The following MSR1 variants were observed in gnomAD, a reference collection of about 807,000 sequenced individuals.
MSR1 encodes the protein macrophage scavenger receptor types I and II.
In MSR1, 53 loss-of-function variants were observed where a neutral mutation model predicts 47.2. The observed-to-expected ratio is 1.12, with a 90% CI of 0.90 to 1.41. The LOEUF is 1.41. Among genes scored for constraint, MSR1 ranks in the 40% most tolerant of loss-of-function variants. The probability of loss-of-function intolerance (pLI) is 0.00; values close to 1 mark genes in which losing one functional copy is unlikely to be tolerated. For missense variants in MSR1, 786 were observed against 546.9 expected (o/e 1.44, Z -4.36); for synonymous variants, 239 against 185.6 (o/e 1.29, Z -2.34).
At chr8:16,133,857 C>G (rs1038418080) in intron 8 of MSR1, among the ~76,000 whole-genome samples, 4 of 152,164 alleles carry the variant, frequency 2.6e-5, no homozygotes, top group Non-Finnish European at 4.4e-5. Context: ...AGTTTTGGCA[C>G]CCATCTAGAA....
In MSR1 at chr8:16,120,420, T is replaced by C. The variant is rs1012865214; in HGVS notation, c.1220A>G (p.Gln407Arg). 4 of 1,613,694 alleles carry C rather than the reference T, an allele frequency of 2.5e-6. No individual in the cohort carries two copies. Among genetic ancestry groups the C allele is most frequent in the Non-Finnish European group, 3.4e-6 (4 of 1,179,784 alleles). The part of the protein sequence containing the change: ...QAVHKAAHFG[Q>R]GTGPIWLNEV... The stretch of plus-strand genomic sequence containing the variant: ...TCACAAGATTTTCTTTAAATTACCT[T>C]GTCCAAAGTGAGCTGCCTTGTGCAC... The change falls in exon 9 of 10, where the codon CAA becomes CGA. Residue 407 changes from glutamine (Q) to arginine (R), a missense_variant and splice_region_variant. By Grantham distance (43) the Gln-to-Arg change is conservative. Coordinates refer to ENST00000262101, the MANE Select transcript of MSR1 (RefSeq NM_138715.3).
intron 4 of MSR1, among the ~76,000 whole-genome samples, chr8:16,166,810 A>C (rs1483704037): frequency 6.6e-6 from 1 of 152,100 alleles, no homozygotes; most frequent in African/African-American, 2.4e-5. Flanking sequence ...CTCAAACGCC[A>C]TTTACAAATT....
chr8:16,125,557 G>T (rs1800110368), intron 8 of MSR1, among the ~76,000 whole-genome samples: 1 of 151,924 alleles, frequency 6.6e-6, no homozygotes, highest in Non-Finnish European at 1.5e-5. Flanking sequence ...ACATCTCTAT[G>T]ACAATGAGTT....
chr8:16,184,540 G>A (rs1167594664), intron 1 of MSR1, among the ~76,000 whole-genome samples: 1 of 152,146 alleles, frequency 6.6e-6, no homozygotes, highest in Non-Finnish European at 1.5e-5. Flanking sequence ...GTAGCCGGTA[G>A]CATCCGACTC....
chr8:16,157,893 C>A (rs933259539), intron 5 of MSR1, among the ~76,000 whole-genome samples: 9 of 151,852 alleles, frequency 5.9e-5, no homozygotes, highest in African/African-American at 2.2e-4. Context: ...GATAAGAATC[C>A]GTTTTGCAAT....
chr8:16,121,944 C>G (rs1800015624), intron 8 of MSR1, among the ~76,000 whole-genome samples: 1 of 151,792 alleles, frequency 6.6e-6, no homozygotes, highest in Non-Finnish European at 1.5e-5. Context: ...TTAACTTATG[C>G]TTATTACTGT....
chr8:16,151,141 G>A (rs1172454057), intron 6 of MSR1, among the ~76,000 whole-genome samples: 6 of 151,908 alleles, frequency 3.9e-5, no homozygotes, highest in African/African-American at 1.2e-4. Flanking sequence ...GAGAGAACTC[G>A]TTCACCCAGT....
rs41440349 is a variant in MSR1, at chr8:16,155,081, C to T, written c.881G>A (p.Gly294Glu). The T allele has an allele frequency of 8.2e-4, 1,318 of 1,611,986 alleles. 4 individuals carry two copies. The highest frequency in any genetic ancestry group is 2.2e-3 in the Admixed American group (129 of 59,812). Reference sequence around the variant, plus strand: ...TACCATACCTATTGGACCTGGAAATCCTCGTGGACCACTTTCTCCAGTGGG... The same window carrying T: ...TACCATACCTATTGGACCTGGAAATTCTCGTGGACCACTTTCTCCAGTGGG... The part of the protein sequence containing the change: ...RGPTGESGPR[G>E]FPGPIGPPGL... The change falls in exon 6 of 10, where the codon GGA becomes GAA. Residue 294 changes from glycine (G) to glutamate (E), a missense_variant. Transcript: ENST00000262101.
At chr8:16,169,016 A>T (rs972897961) in intron 3 of MSR1, 146 bp from the exon 4 acceptor site, 2 of 776,336 alleles carry the variant, frequency 2.6e-6, no homozygotes, top group African/African-American at 3.5e-5. Flanking sequence ...TTTTTTTTTA[A>T]TCTACAACGT....
Position 16,115,801 on chromosome 8 carries a change from G to T in MSR1, c.1222+4617C>A, listed in dbSNP as rs184014693. Among the ~76,000 whole-genome samples, 617 of 152,034 alleles carry T rather than the reference G, an allele frequency of 4.1e-3. 3 individuals are homozygous for T. The highest frequency in any genetic ancestry group is 7.6e-3 in the Non-Finnish European group (513 of 67,946). ...TAGATGAGCCTGAGCAACTTAGCAA[G>T]AACCTGTCTCTATAAGAAATTAAGA... On this transcript the variant is annotated intron_variant, in intron 9 of 9. Transcript: ENST00000262101.
At chr8:16,144,030 C>T (rs1046119300) in intron 7 of MSR1, among the ~76,000 whole-genome samples, 1 of 152,028 alleles carries the variant, frequency 6.6e-6, no homozygotes, top group Non-Finnish European at 1.5e-5. Flanking sequence ...AGTGTACCAT[C>T]CCCAAAAACT....
intron 7 of MSR1, among the ~76,000 whole-genome samples, chr8:16,148,466 C>CT (rs761803668): frequency 9.9e-5 from 13 of 131,332 alleles, no homozygotes; most frequent in South Asian, 5.0e-4. Flanking sequence ...ATTTCTAAAA[C>CT]TTTTTTTTTT....
intron 1 of MSR1, among the ~76,000 whole-genome samples, chr8:16,179,792 G>C (rs1441541586): frequency 7.2e-6 from 1 of 139,540 alleles, no homozygotes; most frequent in African/African-American, 2.7e-5. Flanking sequence ...CAGTAAAATC[G>C]CTTGTACCCG....
chr8:16,138,411 G>A (rs978180446), intron 8 of MSR1, among the ~76,000 whole-genome samples: 1 of 152,098 alleles, frequency 6.6e-6, no homozygotes, highest in African/African-American at 2.4e-5. Context: ...TCTTCATTAT[G>A]CATTTTTAAA....
chr8:16,128,640 T>C (rs548123051), intron 8 of MSR1, among the ~76,000 whole-genome samples: 4 of 152,254 alleles, frequency 2.6e-5, no homozygotes, highest in African/African-American at 9.6e-5. Context: ...TTATGTTATG[T>C]TTTTACTTGC....
chr8:16,148,468 T>G (rs746198354), intron 7 of MSR1, among the ~76,000 whole-genome samples: 2 of 122,426 alleles, frequency 1.6e-5, no homozygotes, highest in Non-Finnish European at 3.4e-5. Flanking sequence ...TTCTAAAACT[T>G]TTTTTTTTGA....
At chr8:16,188,252 T>C (rs1802059513) in intron 1 of MSR1, among the ~76,000 whole-genome samples, 2 of 152,158 alleles carry the variant, frequency 1.3e-5, no homozygotes, top group Admixed American at 6.6e-5. Context: ...CCATATACCT[T>C]ACTTTTTTGT....
intron 5 of MSR1, among the ~76,000 whole-genome samples, chr8:16,159,591 A>G (rs1043594125): frequency 6.6e-6 from 1 of 152,038 alleles, no homozygotes; most frequent in African/African-American, 2.4e-5. Flanking sequence ...AATTTCTAAA[A>G]TATGGTTCTT....
At chr8:16,118,058 G>T (rs1295614807) in intron 9 of MSR1, among the ~76,000 whole-genome samples, 1 of 152,092 alleles carries the variant, frequency 6.6e-6, no homozygotes. Context: ...AGACTTGTCA[G>T]ATCTCTGCAT....
Sources: allele counts gnomAD v4.1 joint callset (sites outside exome capture counted in the v4.1 genomes callset), GRCh38; gene constraint gnomAD v4.1.1; transcripts MANE v1.5; gene names NCBI Gene and HGNC (gene_info 2026-07-23, HGNC 2026-07-21).